Variants in ZDHHC21 observed in about 807,000 individuals in gnomAD.
ZDHHC21 encodes the protein zDHHC palmitoyltransferase 21, also known as palmitoyltransferase ZDHHC21.
A neutral mutation model predicts 34.6 loss-of-function variants in ZDHHC21; 15 were observed. The ratio of observed to expected loss-of-function variants is 0.43; its 90% confidence interval spans 0.29 to 0.67. The LOEUF (loss-of-function observed/expected upper bound fraction) is 0.67, where lower values mean the gene tolerates loss of function less well. Ranked by LOEUF, ZDHHC21 falls within the 30% of genes least tolerant of loss-of-function variation. ZDHHC21 has a pLI of 0.14. For synonymous variants in ZDHHC21, 142 were observed against 101.8 expected (o/e 1.40, Z -2.38); for missense variants, 344 against 327.7 (o/e 1.05, Z -0.38).
At chr9:14,685,565 AG>A (rs1838173638) in intron 2 of ZDHHC21, among the ~76,000 whole-genome samples, 1 of 152,204 alleles carries the variant, frequency 6.6e-6, no homozygotes, top group African/African-American at 2.4e-5. Flanking sequence ...CAGGTGCTGG[AG>A]AGGATATGAA....
chr9:14,605,410 G>A, the ZDHHC21 span, among the ~76,000 whole-genome samples: 18 of 151,844 alleles, frequency 1.2e-4, no homozygotes, highest in Non-Finnish European at 2.4e-4. Flanking sequence ...ATAATACCTC[G>A]TTGTAATTTT....
At chr9:14,670,638 G>A (rs1399598919) in intron 5 of ZDHHC21, among the ~76,000 whole-genome samples, 2 of 152,006 alleles carry the variant, frequency 1.3e-5, no homozygotes, top group African/African-American at 4.8e-5. Flanking sequence ...ACCATAAATT[G>A]ATTTAAAGAA....
intron 2 of ZDHHC21, among the ~76,000 whole-genome samples, chr9:14,685,912 G>A (rs75985750): frequency 0.16 from 25,081 of 152,058 alleles, 2,452 homozygotes; most frequent in East Asian, 0.34. Flanking sequence ...GTAGGGACAC[G>A]GATGAAGCCT....
At chr9:14,660,956 T>C (rs1333983050) in intron 6 of ZDHHC21, among the ~76,000 whole-genome samples, 1 of 152,180 alleles carries the variant, frequency 6.6e-6, no homozygotes, top group Non-Finnish European at 1.5e-5. Context: ...CACGTAGCTT[T>C]CTAAAAATCT....
intron 8 of ZDHHC21, among the ~76,000 whole-genome samples, chr9:14,620,821 T>C (rs182446922): frequency 6.6e-6 from 1 of 152,184 alleles, no homozygotes; most frequent in East Asian, 1.9e-4. Flanking sequence ...CATAGTTTCA[T>C]TTACACATTT....
At position 14,646,596 on chromosome 9, in the gene ZDHHC21, A is replaced by T. The variant is rs542095875; in HGVS notation, c.505-6584T>A. 1.1e-3 allele frequency among the ~76,000 whole-genome samples: 174 copies of T among 152,228 alleles called. 2 individuals are homozygous for T. Among genetic ancestry groups the T allele is most frequent in the Admixed American group, 1.4e-3 (22 of 15,278 alleles). On this transcript the variant is annotated intron_variant, in intron 7 of 9. Transcript: ENST00000380916. Reference sequence around the variant, plus strand: ...CTTTCTTCCTGGCTCACCTACAACTACACTGACCTCCTTGCTATTTCTCAG... The same window carrying T: ...CTTTCTTCCTGGCTCACCTACAACTTCACTGACCTCCTTGCTATTTCTCAG...
At chr9:14,684,964 A>G (rs1002403954) in intron 2 of ZDHHC21, among the ~76,000 whole-genome samples, 26 of 152,336 alleles carry the variant, frequency 1.7e-4, no homozygotes, top group Non-Finnish European at 2.9e-4. Flanking sequence ...AGGATTCCCT[A>G]TTTAATAAAT....
intron 6 of ZDHHC21, among the ~76,000 whole-genome samples, chr9:14,659,780 C>T (rs1484868132): frequency 6.6e-6 from 1 of 152,126 alleles, no homozygotes; most frequent in Non-Finnish European, 1.5e-5. Flanking sequence ...CTTAGAGAGG[C>T]ATTTCTTAAG....
chr9:14,602,205 T>G, the ZDHHC21 span, among the ~76,000 whole-genome samples: 1 of 151,090 alleles, frequency 6.6e-6, no homozygotes, highest in South Asian at 2.1e-4. Context: ...ATGAATGAAA[T>G]AAAAAAATTC....
intron 5 of ZDHHC21, among the ~76,000 whole-genome samples, chr9:14,665,615 T>C: frequency 6.9e-6 from 1 of 143,984 alleles, no homozygotes; most frequent in South Asian, 2.4e-4. Context: ...CGGGTTACCC[T>C]CAAAGGGAAG....
At chr9:14,684,141 C>T (rs1393050856) in intron 2 of ZDHHC21, among the ~76,000 whole-genome samples, 1 of 151,268 alleles carries the variant, frequency 6.6e-6, no homozygotes, top group African/African-American at 2.4e-5. Context: ...AAAACTGGCA[C>T]AAGACAGGGA....
downstream of ZDHHC21, among the ~76,000 whole-genome samples, chr9:14,606,732 C>T (rs920866331): frequency 3.3e-5 from 5 of 151,706 alleles, no homozygotes; most frequent in African/African-American, 1.2e-4. Context: ...TTTTAGAAAC[C>T]TATTAAATAG....
At chr9:14,670,581 C>G (rs533337578) in intron 5 of ZDHHC21, among the ~76,000 whole-genome samples, 1 of 151,888 alleles carries the variant, frequency 6.6e-6, no homozygotes, top group Non-Finnish European at 1.5e-5. Flanking sequence ...ATATTTACTA[C>G]GGGCCTTTAT....
At position 14,618,991 on chromosome 9, in the gene ZDHHC21, G is replaced by C. The variant is rs1447803272; in HGVS notation, c.773C>G (p.Pro258Arg). 2 of 1,610,424 alleles carry C rather than the reference G, an allele frequency of 1.2e-6. No individual in the cohort carries two copies. Among genetic ancestry groups the C allele is most frequent in the Admixed American group, 3.4e-5 (2 of 59,640 alleles). Residue 258 changes from proline to arginine, a missense_variant, in exon 10 of 10, where the codon CCC becomes CGC. Pro to Arg is a moderately radical substitution (Grantham distance 103, BLOSUM62 -2). Coordinates refer to ENST00000380916, the MANE Select transcript of ZDHHC21 (RefSeq NM_178566.6). Reference sequence around the variant, plus strand: ...TTAGACATGATTGGCAAAGTGGTAGGGAACTCGCAGTGGTTGCCTCTGCCT... The same window carrying C: ...TTAGACATGATTGGCAAAGTGGTAGCGAACTCGCAGTGGTTGCCTCTGCCT... ...PFRQRQPLRVPYHFANHV is the reference protein window; with the variant it reads ...PFRQRQPLRVRYHFANHV
intron 7 of ZDHHC21, among the ~76,000 whole-genome samples, chr9:14,651,775 T>A (rs1390936391): frequency 6.6e-6 from 1 of 151,956 alleles, no homozygotes; most frequent in African/African-American, 2.4e-5. Flanking sequence ...AGTTTCATAA[T>A]ATACCAAATG....
intron 8 of ZDHHC21, among the ~76,000 whole-genome samples, chr9:14,630,082 C>A (rs1827064071): frequency 6.6e-6 from 1 of 152,134 alleles, no homozygotes; most frequent in Non-Finnish European, 1.5e-5. Flanking sequence ...ATAAAGTCTG[C>A]TGCATAGGTT....
intron 5 of ZDHHC21, among the ~76,000 whole-genome samples, chr9:14,670,456 T>G (rs747908234): frequency 6.6e-6 from 1 of 152,130 alleles, no homozygotes; most frequent in African/African-American, 2.4e-5. Flanking sequence ...AATTTCTGGG[T>G]CCATAAACAA....
chr9:14,662,425 T>C, intron 5 of ZDHHC21, 99 bp from the exon 6 acceptor site: 2 of 828,938 alleles, frequency 2.4e-6, no homozygotes, highest in South Asian at 1.9e-5. Context: ...GCCTTCAACA[T>C]AAAACTCTAA....
chr9:14,688,422 T>C (rs75441152), intron 2 of ZDHHC21, among the ~76,000 whole-genome samples: 3,548 of 150,892 alleles, frequency 0.024, 226 homozygotes, highest in Admixed American at 0.065. Context: ...TCATTAAAAG[T>C]AATGAAACAG....
Sources: gnomAD v4.1 joint callset for allele counts (sites outside exome capture counted in the v4.1 genomes callset) on GRCh38, gnomAD v4.1.1 for gene constraint, MANE v1.5 for transcripts, NCBI Gene and HGNC (gene_info 2026-07-23, HGNC 2026-07-21) for gene names.